The following NELL1 variants were observed in gnomAD, a reference collection of about 807,000 sequenced individuals.
NELL1 encodes protein kinase C-binding protein NELL1.
In NELL1, 76 loss-of-function variants were observed where a neutral mutation model predicts 107.4. The ratio of observed to expected loss-of-function variants is 0.71; its 90% CI spans 0.59 to 0.86. The LOEUF (loss-of-function observed/expected upper bound fraction) is 0.86, where lower values mean the gene tolerates loss of function less well. Among genes scored for constraint, NELL1 ranks in the 40% least tolerant of loss-of-function variants. The pLI is 0.00. For synonymous variants in NELL1, 353 were observed against 341.2 expected (o/e 1.03, Z -0.38); for missense variants, 1,024 against 1,005.5 (o/e 1.02, Z -0.25).
At chr11:21,404,698 A>T (rs1051756432) in intron 15 of NELL1, among the ~76,000 whole-genome samples, 1 of 151,996 alleles carries the variant, frequency 6.6e-6, no homozygotes, top group African/African-American at 2.4e-5. Context: ...AAAATTAGAA[A>T]TTTTAGGCAC....
rs537086409 is a variant in NELL1, at chr11:21,166,815, A to G, written c.1426+53101A>G. On this transcript the variant is annotated intron_variant, in intron 13 of 19. Coordinates refer to ENST00000357134, the MANE Select transcript of NELL1 (RefSeq NM_006157.5). The stretch of plus-strand genomic sequence containing the variant: ...CAGATGAAGAAACAAATAAAATGCT[A>G]GTTGACCACTCACTAAATGTAAAAA... Among the ~76,000 whole-genome samples, 45 of 152,044 alleles carry G rather than the reference A, an allele frequency of 3.0e-4. 1 individual carries two copies. Among genetic ancestry groups the G allele is most frequent in the African/African-American group, 1.1e-3 (44 of 41,308 alleles).
intron 10 of NELL1, among the ~76,000 whole-genome samples, chr11:20,940,855 C>T (rs1355535873): frequency 6.6e-6 from 1 of 152,070 alleles, no homozygotes; most frequent in Non-Finnish European, 1.5e-5. Flanking sequence ...TACCCACCTC[C>T]AGCCAGGCGT....
At chr11:20,938,240 G>A (rs1850769482) in intron 10 of NELL1, among the ~76,000 whole-genome samples, 1 of 152,142 alleles carries the variant, frequency 6.6e-6, no homozygotes, top group African/African-American at 2.4e-5. Context: ...CTGATATACT[G>A]TTAAAAATGC....
chr11:21,147,819 A>G (rs11601583), intron 13 of NELL1, among the ~76,000 whole-genome samples: 38,601 of 131,186 alleles, frequency 0.29, 6,081 homozygotes, highest in Non-Finnish European at 0.34. Context: ...CTGGGCAACA[A>G]GAGTGAAACT....
chr11:20,741,908 A>G (rs1855899292), intron 2 of NELL1, among the ~76,000 whole-genome samples: 1 of 152,246 alleles, frequency 6.6e-6, no homozygotes, highest in Non-Finnish European at 1.5e-5. Flanking sequence ...TTTAATGTGT[A>G]TATGAACCTT....
At chr11:21,550,854 G>A (rs1333223638) in intron 16 of NELL1, among the ~76,000 whole-genome samples, 1 of 151,572 alleles carries the variant, frequency 6.6e-6, no homozygotes, top group Non-Finnish European at 1.5e-5. Context: ...GAACTTTAAA[G>A]TAGTTTTTTC....
intron 1 of NELL1, chr11:20,674,371 T>C: frequency 1.3e-6 from 1 of 753,622 alleles, no homozygotes; most frequent in Non-Finnish European, 2.2e-6. Flanking sequence ...GCACCACCTA[T>C]GTGCCAGATG....
chr11:20,992,916 T>C (rs11025868), intron 12 of NELL1, among the ~76,000 whole-genome samples: 20,974 of 151,902 alleles, frequency 0.14, 1,629 homozygotes, highest in East Asian at 0.26. Context: ...GGTTTCACCA[T>C]GTTGGCCAGG....
intron 12 of NELL1, among the ~76,000 whole-genome samples, chr11:20,979,455 G>A (rs1400741729): frequency 6.6e-6 from 1 of 152,128 alleles, no homozygotes. Flanking sequence ...CATGTAAATA[G>A]CATGTTTTAT....
intron 14 of NELL1, among the ~76,000 whole-genome samples, chr11:21,230,946 A>AT (rs1007722531): frequency 3.3e-5 from 5 of 151,976 alleles, no homozygotes; most frequent in African/African-American, 9.7e-5. Context: ...TGTGCATAGA[A>AT]TTTTTTTTGC....
intron 15 of NELL1, among the ~76,000 whole-genome samples, chr11:21,503,409 G>A (rs1855198391): frequency 6.6e-6 from 1 of 152,092 alleles, no homozygotes; most frequent in Non-Finnish European, 1.5e-5. Context: ...AATCAAATAA[G>A]CCAAATGTGT....
rs561419204 is a variant in NELL1 at position 20,898,570 on chromosome 11, TA to T, written c.603+13040del. 5.0e-3 allele frequency among the ~76,000 whole-genome samples: 724 copies of T among 143,564 alleles called. 7 individuals carry two copies. The highest frequency in any genetic ancestry group is 8.5e-3 in the Non-Finnish European group (559 of 65,462). 94.2% of individuals were successfully genotyped at this position (143,564 alleles called of 152,430 possible). On this transcript the variant is annotated intron_variant, in intron 5 of 19. Transcript: ENST00000357134. ...ATGTACCCTAAAACTTAAAGTATAA[TA>T]AAAAAAAAAGTGTTCTCTTTTCACC...
At chr11:21,357,052 G>T (rs1448167087) in intron 14 of NELL1, among the ~76,000 whole-genome samples, 1 of 152,100 alleles carries the variant, frequency 6.6e-6, no homozygotes, top group Non-Finnish European at 1.5e-5. Context: ...TCACACATTG[G>T]TTGATGGGCA....
chr11:21,254,471 G>A (rs922330449), intron 14 of NELL1, among the ~76,000 whole-genome samples: 12 of 152,028 alleles, frequency 7.9e-5, no homozygotes, highest in Non-Finnish European at 2.9e-5. Context: ...GGTAACATTT[G>A]CTCAATTTAT....
intron 15 of NELL1, among the ~76,000 whole-genome samples, chr11:21,387,349 G>A (rs942783977): frequency 2.0e-5 from 3 of 151,690 alleles, no homozygotes; most frequent in Non-Finnish European, 4.4e-5. Flanking sequence ...CTTGTGTATT[G>A]TCTCTTCCTC....
intron 12 of NELL1, among the ~76,000 whole-genome samples, chr11:20,964,524 C>T (rs750525545): frequency 5.3e-5 from 8 of 152,138 alleles, no homozygotes; most frequent in Non-Finnish European, 1.0e-4. Flanking sequence ...GAGAAAGTTG[C>T]GGCATTGGCC....
intron 12 of NELL1, among the ~76,000 whole-genome samples, chr11:21,033,093 G>T (rs749214898): frequency 1.3e-5 from 2 of 152,082 alleles, no homozygotes; most frequent in Non-Finnish European, 2.9e-5. Context: ...TGTGGACCTT[G>T]ATATTCCTTT....
At chr11:21,147,836 C>CAAAAAAAAAAAAAAAAAAAA (rs35688285) in intron 13 of NELL1, among the ~76,000 whole-genome samples, 1 of 28,804 alleles carries the variant, frequency 3.5e-5, no homozygotes, top group Non-Finnish European at 6.0e-5. Flanking sequence ...AACTCCGTCT[C>CAAAAAAAAAAAAAAAAAAAA]AAAAAAAAAA....
chr11:20,902,564 G>A (rs1849900825), intron 5 of NELL1, among the ~76,000 whole-genome samples: 1 of 152,048 alleles, frequency 6.6e-6, no homozygotes, highest in Non-Finnish European at 1.5e-5. Context: ...GAAATTTGGG[G>A]ATCCTTGTAA....
Sources: allele counts gnomAD v4.1 joint callset (sites outside exome capture counted in the v4.1 genomes callset), GRCh38; gene constraint gnomAD v4.1.1; transcripts MANE v1.5; gene names NCBI Gene and HGNC (gene_info 2026-07-23, HGNC 2026-07-21).